The following DOC2B variants were observed in gnomAD, a reference collection of about 807,000 sequenced individuals.
DOC2B encodes the protein double C2-like domain-containing protein beta.
Under a neutral mutation model 28.9 loss-of-function variants are expected in DOC2B, and 21 were observed. That is an observed-to-expected ratio of 0.73 (90% CI 0.52 to 1.05). The LOEUF (loss-of-function observed/expected upper bound fraction) is 1.05, where lower values mean the gene tolerates loss of function less well. DOC2B is among the 50% of genes least tolerant of loss of function. The pLI is 0.00. For synonymous variants in DOC2B, 194 were observed against 178.1 expected (o/e 1.09, Z -0.71); for missense variants, 384 against 421.1 (o/e 0.91, Z 0.77).
chr17:176,405 G>C (rs923900795), intron 1 of DOC2B, among the ~76,000 whole-genome samples: 9 of 151,894 alleles, frequency 5.9e-5, no homozygotes, highest in Non-Finnish European at 8.8e-5. Flanking sequence ...GGGGGTGCGG[G>C]GGGGTAGGTC....
chr17:170,826 G>C (rs556842896), intron 2 of DOC2B, among the ~76,000 whole-genome samples: 2 of 114,300 alleles, frequency 1.7e-5, no homozygotes, highest in Non-Finnish European at 1.9e-5. Context: ...AGCACCAGGG[G>C]CCGGGCCAGG....
At chr17:160,358 G>A (rs1232330588) in intron 5 of DOC2B, among the ~76,000 whole-genome samples, 6 of 152,216 alleles carry the variant, frequency 3.9e-5, no homozygotes, top group African/African-American at 1.4e-4. Context: ...CTGAGGGGGA[G>A]AGAATGTGAC....
At chr17:173,495 A>G (rs2040335821) in intron 1 of DOC2B, among the ~76,000 whole-genome samples, 1 of 152,156 alleles carries the variant, frequency 6.6e-6, no homozygotes, top group Non-Finnish European at 1.5e-5. Context: ...ACATTCCTTC[A>G]TTATTTACCA....
At chr17:148,150 G>A in intron 8 of DOC2B, 23 bp downstream of exon 8, 2 of 398,594 alleles carry the variant, frequency 5.0e-6, no homozygotes, top group Non-Finnish European at 8.8e-6. Context: ...CAGTGAGACG[G>A]TGTTCCCACT....
intron 1 of DOC2B, among the ~76,000 whole-genome samples, chr17:178,590 A>G (rs1296596273): frequency 6.6e-6 from 1 of 152,232 alleles, no homozygotes; most frequent in African/African-American, 2.4e-5. Context: ...CCTGCTCCTC[A>G]TTGGGACATT....
At chr17:161,953 G>C (rs2040209511) in intron 4 of DOC2B, 128 bp downstream of exon 4, 1 of 695,836 alleles carries the variant, frequency 1.4e-6, no homozygotes, top group Non-Finnish European at 2.5e-6. Context: ...AAGCCCCCAA[G>C]CTGGAGTTGC....
At position 181,383 on chromosome 17, in the gene DOC2B, T is replaced by C; in HGVS notation, c.97A>G (p.Ile33Val). ...GGGAAGCGGGGGAAGTAGTCGGAGA[T>C]CTGCTTGATGGGACGGATGGGGCCG... Reference protein sequence around the residue: ...CPGPIRPIKQISDYFPRFPRG... With the variant: ...CPGPIRPIKQVSDYFPRFPRG... The change falls in exon 1 of 9, where the codon ATC (isoleucine) becomes GTC (valine). Residue 33 changes from isoleucine to valine, a missense_variant. Ile to Val is a conservative substitution (Grantham distance 29). Coordinates refer to ENST00000613549, the MANE Select transcript of DOC2B (RefSeq NM_003585.5). The surrounding 1 kb of genome is among the most constrained non-coding windows in gnomAD (Gnocchi z 7.0). 1 of 1,151,854 alleles carries C rather than the reference T, an allele frequency of 8.7e-7. No homozygotes were observed. Among genetic ancestry groups the C allele is most frequent in the Non-Finnish European group, 1.1e-6 (1 of 933,006 alleles). 71.4% of individuals were successfully genotyped at this position (1,151,854 alleles called of 1,614,324 possible).
intron 2 of DOC2B, among the ~76,000 whole-genome samples, chr17:169,727 C>T (rs918170660): frequency 3.9e-5 from 6 of 151,976 alleles, no homozygotes; most frequent in Non-Finnish European, 5.9e-5. Context: ...GGGTGTCCAG[C>T]CCCCACCCTG....
Position 181,508 on chromosome 17 carries a change from G to A in DOC2B, c.-29C>T, listed in dbSNP as rs1297686636. ...GGCAGCGCCGCCCCGCCCCGGGCGC[G>A]GCCCGGCCCGGCGCGACCCCGGCCC... is the stretch of plus-strand genomic sequence containing the variant. On this transcript the variant is annotated 5_prime_UTR_variant, in exon 1 of 9. Transcript: ENST00000613549. The surrounding 1 kb of genome is among the most constrained non-coding windows in gnomAD (Gnocchi z 7.0). 2.0e-6 allele frequency: 2 copies of A among 994,890 alleles called. No homozygotes were observed. The highest frequency in any genetic ancestry group is 2.4e-6 in the Non-Finnish European group (2 of 837,904). 61.6% of individuals were successfully genotyped at this position (994,890 alleles called of 1,614,324 possible).
intron 6 of DOC2B, among the ~76,000 whole-genome samples, chr17:154,442 C>T (rs1048354355): frequency 1.3e-5 from 2 of 152,092 alleles, no homozygotes; most frequent in Non-Finnish European, 2.9e-5. Flanking sequence ...ATATTCCACG[C>T]ACCTGCTACA....
intron 1 of DOC2B, among the ~76,000 whole-genome samples, chr17:174,227 T>C (rs770746240): frequency 1.6e-4 from 24 of 152,224 alleles, no homozygotes; most frequent in Non-Finnish European, 2.9e-4. Flanking sequence ...AGACCTGCCC[T>C]CTGACATCAG....
chr17:179,846 G>A (rs1183748587), intron 1 of DOC2B, among the ~76,000 whole-genome samples: 1 of 152,290 alleles, frequency 6.6e-6, no homozygotes, highest in African/African-American at 2.4e-5. Context: ...TCTAGAAAGT[G>A]CAAAGCAGGC....
At chr17:159,516 C>T (rs1555522971) in intron 5 of DOC2B, among the ~76,000 whole-genome samples, 2 of 151,998 alleles carry the variant, frequency 1.3e-5, no homozygotes, top group Non-Finnish European at 1.5e-5. Flanking sequence ...CCCAGCTACT[C>T]GGGAGGCTGA....
rs192785687 is a variant in DOC2B at position 180,990 on chromosome 17, G to C, written c.373+117C>G. ...GCCCGCAAGCCCGCGGCGGGGTTGTGAACCGAGGCAGAGCGCGAGCGCGCG... is the reference window on the plus strand; with the variant it reads ...GCCCGCAAGCCCGCGGCGGGGTTGTCAACCGAGGCAGAGCGCGAGCGCGCG... On this transcript the variant is annotated intron_variant, in intron 1 of 8. Coordinates refer to ENST00000613549, the MANE Select transcript of DOC2B (RefSeq NM_003585.5). 6,133 of 908,884 alleles carry C rather than the reference G, an allele frequency of 6.7e-3. 286 individuals are homozygous for C. In the African/African-American group the frequency reaches 0.097, roughly 14 times the overall value. 56.3% of individuals were successfully genotyped at this position (908,884 alleles called of 1,614,324 possible).
intron 2 of DOC2B, among the ~76,000 whole-genome samples, chr17:166,091 T>C (rs1206823454): frequency 2.0e-5 from 3 of 152,134 alleles, no homozygotes; most frequent in Non-Finnish European, 4.4e-5. Context: ...GCTCTGTCCT[T>C]CAGACCCCGG....
chr17:153,951 T>A (rs1421774241), intron 6 of DOC2B, among the ~76,000 whole-genome samples: 1 of 152,136 alleles, frequency 6.6e-6, no homozygotes, highest in Non-Finnish European at 1.5e-5. Flanking sequence ...CCCCTCAAGC[T>A]TCCCCTGGCT....
At chr17:159,041 T>TAAAAA (rs112706180) in intron 5 of DOC2B, among the ~76,000 whole-genome samples, 2 of 139,756 alleles carry the variant, frequency 1.4e-5, no homozygotes, top group Non-Finnish European at 1.5e-5. Flanking sequence ...CTCCATCTCA[T>TAAAAA]AAAAAAAAAA....
intron 1 of DOC2B, among the ~76,000 whole-genome samples, chr17:176,393 C>CG (rs201526820): frequency 3.1e-5 from 2 of 65,018 alleles, no homozygotes; most frequent in African/African-American, 4.3e-5. Flanking sequence ...GGTGTTGGTG[C>CG]GGGGGGTGCG....
chr17:156,558 T>A (rs1555522567), intron 5 of DOC2B, among the ~76,000 whole-genome samples, 181 bp from the exon 6 acceptor site: 1 of 152,186 alleles, frequency 6.6e-6, no homozygotes, highest in African/African-American at 2.4e-5. Flanking sequence ...CCAAGGGCTC[T>A]TCCAGGGCTG....
Sources: gnomAD v4.1 joint callset for allele counts (sites outside exome capture counted in the v4.1 genomes callset) on GRCh38, gnomAD v4.1.1 for gene constraint, Gnocchi (gnomAD v3.1) non-coding constraint, MANE v1.5 for transcripts, NCBI Gene and HGNC (gene_info 2026-07-23, HGNC 2026-07-21) for gene names.